Variants in HTR2C observed in about 807,000 individuals in gnomAD.
The protein encoded by HTR2C is 5-hydroxytryptamine receptor 2C, also known as 5-hydroxytryptamine (serotonin) receptor 2C, G protein-coupled.
In HTR2C, 5 loss-of-function variants were observed where a neutral mutation model predicts 21.0. The observed-to-expected ratio is 0.24, with a 90% CI of 0.12 to 0.50. HTR2C has a LOEUF of 0.50. Among genes scored for constraint, HTR2C ranks in the 20% least tolerant of loss-of-function variants. The pLI is 0.98. For missense variants in HTR2C, 271 were observed against 371.2 expected (o/e 0.73, Z 2.22); for synonymous variants, 150 against 145.3 (o/e 1.03, Z -0.23).
intron 1 of HTR2C, among the ~76,000 whole-genome samples, chrX:114,612,847 G>A (rs1417214307): frequency 8.9e-6 from 1 of 111,786 alleles, no homozygotes; most frequent in Admixed American, 9.5e-5. Flanking sequence ...TAAAGTGAAA[G>A]CAAGGTTATC....
At chrX:114,697,025 C>G (rs1298686429) in intron 2 of HTR2C, among the ~76,000 whole-genome samples, 4 of 111,503 alleles carry the variant, frequency 3.6e-5, no homozygotes, top group African/African-American at 1.3e-4. Flanking sequence ...TGCCTTTTCT[C>G]GAATTTAAGA....
chrX:114,665,218 G>A (rs782023116), intron 2 of HTR2C, among the ~76,000 whole-genome samples: 159 of 111,928 alleles, frequency 1.4e-3, no homozygotes, highest in African/African-American at 4.9e-3. Flanking sequence ...GACTCAGGTA[G>A]GATTGGAAGT....
rs971831638 is a variant in HTR2C, at chrX:114,602,650, A to G, written c.-146-11165A>G. On this transcript the variant is annotated intron_variant, in intron 1 of 5. Coordinates refer to ENST00000276198, the MANE Select transcript of HTR2C (RefSeq NM_000868.4). Reference sequence around the variant, plus strand: ...TTATCAGACTGTATTGAGGTGGGAAAGCTAAACTGAGGAATTATGTCTGAC... The same window carrying G: ...TTATCAGACTGTATTGAGGTGGGAAGGCTAAACTGAGGAATTATGTCTGAC... Among the ~76,000 whole-genome samples the G allele has an allele frequency of 1.1e-3, 82 of 72,024 alleles. 3 individuals are homozygous for G. The highest frequency in any genetic ancestry group is 1.8e-3 in the Non-Finnish European group (66 of 37,672). The allele number at this position is 72,024 out of a possible 115,157, so 62.5% of individuals were successfully genotyped here. A position where few individuals can be genotyped will look rare whatever the true frequency, so the allele number is the denominator to read the frequency against.
intron 2 of HTR2C, among the ~76,000 whole-genome samples, chrX:114,629,674 TTTAA>T (rs1364824159): frequency 1.1e-4 from 12 of 112,117 alleles, no homozygotes; most frequent in East Asian, 8.4e-4. Context: ...TGTTTTAATT[TTTAA>T]TTAATTAATT....
chrX:114,730,060 C>T (rs1411660194), intron 3 of HTR2C, among the ~76,000 whole-genome samples: 1 of 111,646 alleles, frequency 9.0e-6, no homozygotes, highest in Non-Finnish European at 1.9e-5. Context: ...CACTCATTCA[C>T]AGGTAATATT....
intron 4 of HTR2C, among the ~76,000 whole-genome samples, chrX:114,812,949 T>C (rs1569496765): frequency 9.0e-6 from 1 of 111,442 alleles, no homozygotes; most frequent in Non-Finnish European, 1.9e-5. Flanking sequence ...TGCATGTATT[T>C]ACCAGACAAG....
chrX:114,656,952 A>G (rs1470506998), intron 2 of HTR2C, among the ~76,000 whole-genome samples: 5 of 111,370 alleles, frequency 4.5e-5, no homozygotes, highest in Admixed American at 9.6e-5. Context: ...TGGCAAAGCA[A>G]ATGTATAATT....
At chrX:114,652,317 A>T (rs1930607435) in intron 2 of HTR2C, among the ~76,000 whole-genome samples, 1 of 110,916 alleles carries the variant, frequency 9.0e-6, no homozygotes. Context: ...ATTTATTTTT[A>T]TTTTTTGCGT....
At chrX:114,722,088 A>C (rs1421178899) in intron 2 of HTR2C, among the ~76,000 whole-genome samples, 14 of 109,911 alleles carry the variant, frequency 1.3e-4, no homozygotes, top group African/African-American at 4.0e-4. Context: ...GATGGCATTG[A>C]ATCTGTAAAT....
At chrX:114,741,524 TAAAAAAAAAA>T (rs782206973) in intron 4 of HTR2C, among the ~76,000 whole-genome samples, 86 of 4,904 alleles carry the variant, frequency 0.018, 5 homozygotes, top group Admixed American at 0.074. Context: ...CGACTCCGTC[TAAAAAAAAAA>T]AAAAAAAAAA....
chrX:114,704,510 C>G (rs1932695929), intron 2 of HTR2C, among the ~76,000 whole-genome samples: 1 of 111,612 alleles, frequency 9.0e-6, no homozygotes, highest in Admixed American at 9.6e-5. Flanking sequence ...AATTCAACAA[C>G]CTTCATGCTA....
chrX:114,610,140 T>A (rs1556398235), intron 1 of HTR2C, among the ~76,000 whole-genome samples: 1 of 112,094 alleles, frequency 8.9e-6, no homozygotes, highest in Non-Finnish European at 1.9e-5. Context: ...TCCTTCTTTT[T>A]AAATGAGCAT....
chrX:114,787,927 A>G (rs1407664465), intron 4 of HTR2C, among the ~76,000 whole-genome samples: 1 of 104,365 alleles, frequency 9.6e-6, no homozygotes, highest in African/African-American at 3.5e-5. Flanking sequence ...AGCCTGGGCA[A>G]CAGAGCGAGA....
intron 4 of HTR2C, among the ~76,000 whole-genome samples, chrX:114,734,564 T>TAA (rs61672860): frequency 4.4e-4 from 15 of 34,317 alleles, no homozygotes; most frequent in Admixed American, 1.1e-3. Context: ...GCCTTACATG[T>TAA]AAAAAAAAAA....
chrX:114,821,772 A>G (rs1401456054), intron 4 of HTR2C, among the ~76,000 whole-genome samples: 1 of 111,727 alleles, frequency 9.0e-6, no homozygotes, highest in African/African-American at 3.2e-5. Context: ...GAACATTAGA[A>G]TGATAGCATG....
chrX:114,815,434 A>G (rs1556454176), intron 4 of HTR2C, among the ~76,000 whole-genome samples: 2 of 111,451 alleles, frequency 1.8e-5, no homozygotes. Context: ...ATCCTGTAAA[A>G]CCAAACAGAA....
chrX:114,669,619 A>G (rs1931297349), intron 2 of HTR2C, among the ~76,000 whole-genome samples: 1 of 111,492 alleles, frequency 9.0e-6, no homozygotes, highest in African/African-American at 3.3e-5. Flanking sequence ...CACTTGGACC[A>G]GGGAGTCCGA....
rs782024790 is a variant in HTR2C at position 114,792,940 on chromosome X, C to A, written c.350-55063C>A. Reference sequence around the variant, plus strand: ...TCTTTTGAGAAGTGTCTGTTCATATCCTTTGCCCCATTTTTGATGGGGTTG... The same window carrying A: ...TCTTTTGAGAAGTGTCTGTTCATATACTTTGCCCCATTTTTGATGGGGTTG... On this transcript the variant is annotated intron_variant, in intron 4 of 5. Coordinates refer to ENST00000276198, the MANE Select transcript of HTR2C (RefSeq NM_000868.4). 9.8e-5 allele frequency among the ~76,000 whole-genome samples: 11 copies of A among 111,722 alleles called. No homozygotes were observed. In the East Asian group the frequency reaches 2.3e-3, roughly 23 times the overall value.
intron 4 of HTR2C, among the ~76,000 whole-genome samples, chrX:114,741,627 A>C (rs1482802563): frequency 4.8e-5 from 4 of 83,682 alleles, no homozygotes; most frequent in South Asian, 6.4e-4. Context: ...AAAAAAAAAA[A>C]CCCACAGGAG....
Sources: allele counts gnomAD v4.1 joint callset (sites outside exome capture counted in the v4.1 genomes callset), GRCh38; gene constraint gnomAD v4.1.1; transcripts MANE v1.5; gene names NCBI Gene and HGNC (gene_info 2026-07-23, HGNC 2026-07-21).